Variants in LGI1 observed in about 807,000 individuals in gnomAD.
LGI1 encodes leucine rich glioma inactivated 1, also known as leucine-rich glioma-inactivated protein 1.
LGI1 carries 11 observed loss-of-function variants against 57.7 expected under a neutral mutation model. The ratio of observed to expected loss-of-function variants is 0.19; its 90% CI spans 0.12 to 0.32. LGI1 has a LOEUF of 0.32. Among genes scored for constraint, LGI1 ranks in the 10% least tolerant of loss-of-function variants. The probability of loss-of-function intolerance (pLI) is 1.00; values close to 1 mark genes in which losing one functional copy is unlikely to be tolerated. For synonymous variants in LGI1, 222 were observed against 241.9 expected, an observed-to-expected ratio of 0.92 and a Z score of 0.76; for missense variants, 422 against 661.9, an observed-to-expected ratio of 0.64 and a Z score of 3.98.
chr10:93,784,465 C>T (rs965008101), intron 4 of LGI1, among the ~76,000 whole-genome samples: 1 of 152,190 alleles, frequency 6.6e-6, no homozygotes, highest in African/African-American at 2.4e-5. Context: ...AGGGAATAGC[C>T]TGAGCTCAAA....
At chr10:93,776,234 T>C (rs1333755674) in intron 2 of LGI1, among the ~76,000 whole-genome samples, 1 of 152,222 alleles carries the variant, frequency 6.6e-6, no homozygotes, top group East Asian at 1.9e-4. Context: ...CATCTCATTT[T>C]GTTTGGTTGG....
At chr10:93,761,551 G>C (rs550582505) in intron 2 of LGI1, among the ~76,000 whole-genome samples, 1 of 152,212 alleles carries the variant, frequency 6.6e-6, no homozygotes, top group East Asian at 1.9e-4. Flanking sequence ...ATGATGAGAA[G>C]TACTTGTTGA....
chr10:93,781,680 A>T (rs1228941835), intron 4 of LGI1, among the ~76,000 whole-genome samples: 2 of 152,232 alleles, frequency 1.3e-5, no homozygotes, highest in Non-Finnish European at 2.9e-5. Flanking sequence ...TCAGGAAAAC[A>T]TGAATAAAAA....
chr10:93,777,652 G>C (rs1467478676), intron 4 of LGI1, 35 bp downstream of exon 4: 5 of 1,531,544 alleles, frequency 3.3e-6, no homozygotes, highest in Non-Finnish European at 4.5e-6. Context: ...TTTTAAGCTT[G>C]CTAATGGACA....
chr10:93,764,052 A>G (rs919645943), intron 2 of LGI1: 3 of 152,228 alleles, frequency 2.0e-5, no homozygotes, highest in Non-Finnish European at 4.4e-5. Flanking sequence ...ACAAAATGAA[A>G]ACAAAAGCCT....
intron 7 of LGI1, 152 bp downstream of exon 7, chr10:93,793,502 AT>A (rs1302139546): frequency 5.7e-6 from 4 of 699,606 alleles, no homozygotes; most frequent in Non-Finnish European, 5.0e-6. Context: ...CTAAGCCATA[AT>A]TTCCCCACTT....
intron 2 of LGI1, chr10:93,771,748 G>GCT (rs1366187957): frequency 6.6e-6 from 1 of 152,194 alleles, no homozygotes; most frequent in African/African-American, 2.4e-5. Flanking sequence ...GGCCGAGGAG[G>GCT]GTGGATCACG....
intron 4 of LGI1, among the ~76,000 whole-genome samples, chr10:93,781,284 G>A (rs1489586154): frequency 1.3e-5 from 2 of 152,038 alleles, no homozygotes; most frequent in Admixed American, 6.5e-5. Flanking sequence ...GCATGAACCC[G>A]GGAGGCGGAG....
At position 93,797,377 on chromosome 10, in the gene LGI1, A is replaced by G. The variant is rs764130396; in HGVS notation, c.1248A>G (p.Ala416=). Residue 416 remains alanine (A), a synonymous_variant, in exon 8 of 8, where the codon GCA becomes GCG. Coordinates refer to ENST00000371418, the MANE Select transcript of LGI1 (RefSeq NM_005097.4). The surrounding 1 kb of genome is among the most constrained non-coding windows in gnomAD (Gnocchi z 6.5). Reference sequence around the variant, plus strand: ...CTGTAATTTATCAGTGGAACAAAGCAACACAATTATTCACTAACCAAACTG... The same window carrying G: ...CTGTAATTTATCAGTGGAACAAAGCGACACAATTATTCACTAACCAAACTG... ...QRPVIYQWNK[A]TQLFTNQTDI... 1 of 1,614,212 alleles carries G rather than the reference A, an allele frequency of 6.2e-7. No homozygotes were observed. Among genetic ancestry groups the G allele is most frequent in the Admixed American group, 1.7e-5 (1 of 60,032 alleles).
intron 2 of LGI1, chr10:93,763,040 A>T (rs1339013040): frequency 6.6e-6 from 1 of 152,250 alleles, no homozygotes; most frequent in Non-Finnish European, 1.5e-5. Context: ...GCTTTCACTG[A>T]GGCTGCATTT....
At chr10:93,777,657 T>G in intron 4 of LGI1, 40 bp downstream of exon 4, 1 of 1,509,434 alleles carries the variant, frequency 6.6e-7, no homozygotes, top group Non-Finnish European at 9.2e-7. Context: ...AGCTTGCTAA[T>G]GGACAATGCA....
chr10:93,758,230 T>C lies in LGI1; in HGVS notation c.86T>C (p.Leu29Pro), dbSNP rs2133975470. 2 of 1,614,196 alleles carry C rather than the reference T, an allele frequency of 1.2e-6. No homozygotes were observed. Among genetic ancestry groups the C allele is most frequent in the Admixed American group, 1.7e-5 (1 of 60,024 alleles). Residue 29 changes from leucine (L) to proline (P), a missense_variant, in exon 1 of 8, where the codon CTT (leucine) becomes CCT (proline). Leu to Pro is a moderately conservative substitution (Grantham distance 98). Coordinates refer to ENST00000371418, the MANE Select transcript of LGI1 (RefSeq NM_005097.4). This position sits in a 1 kb window ranked among gnomAD's most constrained non-coding sequence, Gnocchi z 4.7. ...TATTTCCTATGTCTCTTATCTGCGC[T>C]TTTGCTGACTGAGGGGAAGAAACCA... Reference protein sequence around the residue: ...IAYFLCLLSALLLTEGKKPAK... With the variant: ...IAYFLCLLSAPLLTEGKKPAK...
intron 2 of LGI1, among the ~76,000 whole-genome samples, chr10:93,775,393 C>G (rs1184025293): frequency 6.6e-6 from 1 of 152,148 alleles, no homozygotes; most frequent in Non-Finnish European, 1.5e-5. Context: ...GTAGTTCTCA[C>G]CAGAGGTTTT....
At chr10:93,766,512 C>CTCTTTTTTTTTTTT (rs1554903463) in intron 2 of LGI1, among the ~76,000 whole-genome samples, 2 of 84,580 alleles carry the variant, frequency 2.4e-5, no homozygotes, top group African/African-American at 9.8e-5. Context: ...TTATAGATCT[C>CTCTTTTTTTTTTTT]TTTTTTTTTT....
At chr10:93,790,533 G>T in intron 5 of LGI1, 1 of 222,192 alleles carries the variant, frequency 4.5e-6, no homozygotes, top group South Asian at 7.1e-5. Flanking sequence ...AAAACATAAA[G>T]GAGTCTGGGA....
At chr10:93,769,419 C>T (rs2059712057) in intron 2 of LGI1, 2 of 152,212 alleles carry the variant, frequency 1.3e-5, no homozygotes, top group African/African-American at 2.4e-5. Flanking sequence ...CTTCTTGGGG[C>T]AGGTGACATC....
At chr10:93,760,029 G>A (rs2059606782) in intron 2 of LGI1, among the ~76,000 whole-genome samples, 1 of 152,132 alleles carries the variant, frequency 6.6e-6, no homozygotes, top group Non-Finnish European at 1.5e-5. Context: ...TAAATGGTAG[G>A]GTTTAAAAAT....
At chr10:93,793,008 C>A in intron 6 of LGI1, 96 bp downstream of exon 6, 1 of 1,348,996 alleles carries the variant, frequency 7.4e-7, no homozygotes, top group Non-Finnish European at 1.0e-6. Flanking sequence ...ATCTTAAAAA[C>A]TAGCTGAGCA....
chr10:93,766,512 C>CATTTTTTTTTTTTTT lies in LGI1; in HGVS notation c.287+7681_287+7682insATTTTTTTTTTTTTT, dbSNP rs748070539. 4.4e-4 allele frequency among the ~76,000 whole-genome samples: 37 copies of CATTTTTTTTTTTTTT among 84,574 alleles called. 1 individual carries two copies. Among genetic ancestry groups the CATTTTTTTTTTTTTT allele is most frequent in the African/African-American group, 1.7e-3 (35 of 20,372 alleles). The allele number at this position is 84,574 out of a possible 152,430, so 55.5% of individuals were successfully genotyped here. ...TTGGTGCTAAGCATTTTATAGATCT[C>CATTTTTTTTTTTTTT]TTTTTTTTTTGAGACGGAGTCTCGC... On this transcript the variant is annotated intron_variant, in intron 2 of 7. Transcript: ENST00000371418.
Sources: gnomAD v4.1 joint callset for allele counts (sites outside exome capture counted in the v4.1 genomes callset) on GRCh38, gnomAD v4.1.1 for gene constraint, Gnocchi (gnomAD v3.1) non-coding constraint, MANE v1.5 for transcripts, NCBI Gene and HGNC (gene_info 2026-07-23, HGNC 2026-07-21) for gene names.